CCN4: variants seen among roughly 807,000 people sequenced by gnomAD.
CCN4 encodes the protein CCN family member 4.
Under a neutral mutation model 36.7 loss-of-function variants are expected in CCN4, and 30 were observed. That is an observed-to-expected ratio of 0.82 (90% CI 0.61 to 1.11). The LOEUF is 1.11. Among genes scored for constraint, CCN4 ranks in the 50% least tolerant of loss-of-function variants. The probability of loss-of-function intolerance (pLI) is 0.00; values close to 1 mark genes in which losing one functional copy is unlikely to be tolerated. For synonymous variants in CCN4, 191 were observed against 195.4 expected (o/e 0.98, Z 0.19); for missense variants, 505 against 504.9 (o/e 1.00, Z 0.00).
At chr8:133,199,167 G>A (rs2977523) in intron 1 of CCN4, among the ~76,000 whole-genome samples, 58,621 of 152,102 alleles carry the variant, frequency 0.39, 11,955 homozygotes, top group East Asian at 0.62. Context: ...GGCAGCTTAC[G>A]GGCTTGGTTC....
intron 1 of CCN4, among the ~76,000 whole-genome samples, chr8:133,203,296 C>A (rs1193092467): frequency 6.6e-6 from 1 of 152,194 alleles, no homozygotes; most frequent in Non-Finnish European, 1.5e-5. Flanking sequence ...GCTATCTTCC[C>A]AGGGGGTGAG....
intron 2 of CCN4, among the ~76,000 whole-genome samples, chr8:133,216,061 A>G (rs1453247653): frequency 6.6e-6 from 1 of 152,056 alleles, no homozygotes; most frequent in African/African-American, 2.4e-5. Context: ...CACATGCACA[A>G]ACACAACTCA....
At chr8:133,210,553 C>T (rs1232111928) in intron 1 of CCN4, among the ~76,000 whole-genome samples, 2 of 152,160 alleles carry the variant, frequency 1.3e-5, no homozygotes, top group African/African-American at 4.8e-5. Context: ...TCTCTGTTCC[C>T]TACCAGCAAG....
intron 1 of CCN4, among the ~76,000 whole-genome samples, chr8:133,192,320 T>C (rs1378587685): frequency 1.3e-5 from 2 of 152,178 alleles, no homozygotes; most frequent in South Asian, 2.1e-4. Flanking sequence ...ACCTGGGAAA[T>C]AGGAATTCCT....
chr8:133,210,157 C>T (rs1168780057), intron 1 of CCN4, among the ~76,000 whole-genome samples: 1 of 152,152 alleles, frequency 6.6e-6, no homozygotes, highest in Non-Finnish European at 1.5e-5. Context: ...GTTTCAGGCG[C>T]ACAGAGAGAT....
intron 1 of CCN4, among the ~76,000 whole-genome samples, chr8:133,208,442 C>T (rs1200349296): frequency 6.6e-6 from 1 of 152,286 alleles, no homozygotes; most frequent in South Asian, 2.1e-4. Context: ...CAAATCTAAC[C>T]CTGCCATCCT....
chr8:133,209,517 G>T (rs750122887), intron 1 of CCN4, among the ~76,000 whole-genome samples: 23 of 152,230 alleles, frequency 1.5e-4, no homozygotes, highest in Non-Finnish European at 3.2e-4. Context: ...TGCCATAAAT[G>T]GTTCCCCTGT....
At chr8:133,191,835 G>A (rs1853124273) in intron 1 of CCN4, among the ~76,000 whole-genome samples, 1 of 152,136 alleles carries the variant, frequency 6.6e-6, no homozygotes, top group Non-Finnish European at 1.5e-5. Flanking sequence ...TCCATACTTG[G>A]GTCCTGCCTA....
chr8:133,214,743 T>C (rs543152555), intron 2 of CCN4, among the ~76,000 whole-genome samples: 8 of 152,272 alleles, frequency 5.3e-5, no homozygotes, highest in East Asian at 1.9e-4. Flanking sequence ...TTCTGAAAAC[T>C]TCCACAAAGT....
intron 1 of CCN4, among the ~76,000 whole-genome samples, chr8:133,195,517 C>A (rs1207037231): frequency 1.3e-5 from 2 of 152,076 alleles, no homozygotes; most frequent in African/African-American, 2.4e-5. Flanking sequence ...CCCATCCAGG[C>A]CCCACACCCC....
At chr8:133,202,270 T>C (rs959711334) in intron 1 of CCN4, among the ~76,000 whole-genome samples, 7 of 152,226 alleles carry the variant, frequency 4.6e-5, no homozygotes, top group Non-Finnish European at 8.8e-5. Flanking sequence ...TATCATATAG[T>C]GGGCAGGCCC....
In CCN4 at chr8:133,220,465, A is replaced by G. The variant is rs908810413; in HGVS notation, c.350-116A>G. The G allele has an allele frequency of 3.4e-5, 50 of 1,461,242 alleles. No individual in the cohort carries two copies. In the Admixed American group the frequency reaches 1.0e-3, roughly 30 times the overall value. 90.5% of individuals were successfully genotyped at this position (1,461,242 alleles called of 1,614,324 possible). On this transcript the variant is annotated intron_variant, in intron 2 of 4. Coordinates refer to ENST00000250160, the MANE Select transcript of CCN4 (RefSeq NM_003882.4). ...GCCTTTGTGCCTCTGTTCCTCCTCC[A>G]TGCTGGGAGCCATCCCCGGGATTGG...
In CCN4 at chr8:133,228,855, C is replaced by T. The variant is rs1854847111; in HGVS notation, c.*1145C>T. Reference sequence around the variant, plus strand: ...TTTCACAGCCTTTCGTTCTGCTGACCAAATGGCCAGTTTTCTGGTAGGAAG... The same window carrying T: ...TTTCACAGCCTTTCGTTCTGCTGACTAAATGGCCAGTTTTCTGGTAGGAAG... On this transcript the variant is annotated 3_prime_UTR_variant, in exon 5 of 5. Transcript: ENST00000250160. 1 of 152,092 alleles carries T rather than the reference C, an allele frequency of 6.6e-6. No homozygotes were observed. The highest frequency in any genetic ancestry group is 1.5e-5 in the Non-Finnish European group (1 of 68,022). 9.4% of individuals were successfully genotyped at this position (152,092 alleles called of 1,614,324 possible). A position where few individuals can be genotyped will look rare whatever the true frequency, so the allele number is the denominator to read the frequency against.
intron 1 of CCN4, among the ~76,000 whole-genome samples, chr8:133,202,331 C>T (rs756783811): frequency 2.0e-5 from 3 of 152,164 alleles, no homozygotes; most frequent in Non-Finnish European, 2.9e-5. Flanking sequence ...AGTTTTTGAC[C>T]TTTATAATGC....
rs768583249 is a variant in CCN4 at position 133,191,201 on chromosome 8, C to A, written c.57C>A (p.Thr19=). ...CAGTGACAGCAGCAGCCGCCAGCACCGTCCTGGCCACGGTGAGTCCTGCCT... is the reference window on the plus strand; with the variant it reads ...CAGTGACAGCAGCAGCCGCCAGCACAGTCCTGGCCACGGTGAGTCCTGCCT... ...LAAVTAAAAS[T]VLATALSPAP... The change falls in exon 1 of 5, where the codon ACC becomes ACA. Residue 19 remains threonine (T), a synonymous_variant. Transcript: ENST00000250160. 49 of 1,606,308 alleles carry A rather than the reference C, an allele frequency of 3.1e-5. No individual in the cohort carries two copies. The highest frequency in any genetic ancestry group is 4.2e-5 in the Non-Finnish European group (49 of 1,179,708).
At chr8:133,225,662 C>T (rs1346875410) in intron 4 of CCN4, 79 bp downstream of exon 4, 8 of 1,358,502 alleles carry the variant, frequency 5.9e-6, no homozygotes, top group African/African-American at 1.5e-5. Flanking sequence ...TGAACTTCCT[C>T]GTGGGGAGCA....
intron 1 of CCN4, among the ~76,000 whole-genome samples, chr8:133,199,302 G>T (rs1312244127): frequency 1.3e-5 from 2 of 152,190 alleles, no homozygotes; most frequent in Non-Finnish European, 1.5e-5. Flanking sequence ...TCAGGCTTGT[G>T]CTCTAGGCAG....
At chr8:133,215,631 A>G (rs1189688182) in intron 2 of CCN4, among the ~76,000 whole-genome samples, 1 of 150,488 alleles carries the variant, frequency 6.6e-6, no homozygotes, top group East Asian at 2.0e-4. Context: ...TGTCCTCCTC[A>G]CCCCCTATCT....
At chr8:133,208,960 A>C (rs1277998006) in intron 1 of CCN4, among the ~76,000 whole-genome samples, 2 of 152,226 alleles carry the variant, frequency 1.3e-5, no homozygotes, top group Non-Finnish European at 2.9e-5. Context: ...ATTGCACTGA[A>C]TTGCAATCAT....
Sources: allele counts gnomAD v4.1 joint callset (sites outside exome capture counted in the v4.1 genomes callset), GRCh38; gene constraint gnomAD v4.1.1; transcripts MANE v1.5; gene names NCBI Gene and HGNC (gene_info 2026-07-23, HGNC 2026-07-21).